UBE2F: variants seen among roughly 807,000 people sequenced by gnomAD.
UBE2F encodes the protein NEDD8-conjugating enzyme UBE2F.
UBE2F carries 5 observed loss-of-function variants against 29.6 expected under a neutral mutation model. That is an observed-to-expected ratio of 0.17 (90% CI 0.09 to 0.36). The LOEUF (loss-of-function observed/expected upper bound fraction) is 0.36. Among genes scored for constraint, UBE2F ranks in the 10% least tolerant of loss-of-function variants. The pLI is 1.00. For missense variants in UBE2F, 141 were observed against 228.5 expected, an observed-to-expected ratio of 0.62 and a Z score of 2.47; for synonymous variants, 66 against 81.8, an observed-to-expected ratio of 0.81 and a Z score of 1.04.
At chr2:238,012,852 G>T (rs2064069666) in intron 4 of UBE2F, among the ~76,000 whole-genome samples, 1 of 152,124 alleles carries the variant, frequency 6.6e-6, no homozygotes, top group South Asian at 2.1e-4. Context: ...CTTTTACAGT[G>T]GTCTAGGGTT....
intron 4 of UBE2F, among the ~76,000 whole-genome samples, chr2:238,005,607 T>TTG (rs560186175): frequency 6.6e-6 from 1 of 151,298 alleles, no homozygotes; most frequent in East Asian, 1.9e-4. Context: ...GTTTTCTGGT[T>TTG]TTTTTTTTCT....
At chr2:238,027,580 G>A (rs1051688873) in intron 6 of UBE2F, among the ~76,000 whole-genome samples, 12 of 152,304 alleles carry the variant, frequency 7.9e-5, no homozygotes, top group African/African-American at 2.4e-4. Flanking sequence ...CTTCAGCCAC[G>A]TAGACTACCT....
At chr2:237,988,495 A>G (rs1246220205) in intron 3 of UBE2F, among the ~76,000 whole-genome samples, 1 of 151,868 alleles carries the variant, frequency 6.6e-6, no homozygotes, top group Non-Finnish European at 1.5e-5. Context: ...GCATCACTGT[A>G]GCCCCAGCTA....
intron 4 of UBE2F, among the ~76,000 whole-genome samples, chr2:238,002,214 G>A (rs1464607889): frequency 1.4e-5 from 2 of 146,184 alleles, no homozygotes; most frequent in Admixed American, 7.0e-5. Flanking sequence ...ACAGGCATGC[G>A]CCACCACACC....
chr2:237,999,653 C>T (rs375568486), intron 4 of UBE2F, among the ~76,000 whole-genome samples: 1 of 152,146 alleles, frequency 6.6e-6, no homozygotes, highest in East Asian at 1.9e-4. Context: ...ACCTTGAAAG[C>T]TTGACCAAAC....
At chr2:237,985,322 C>T (rs1343521882) in intron 2 of UBE2F, among the ~76,000 whole-genome samples, 3 of 152,180 alleles carry the variant, frequency 2.0e-5, no homozygotes, top group Non-Finnish European at 2.9e-5. Flanking sequence ...GATCTCTAGA[C>T]TTATTCATCC....
intron 8 of UBE2F, among the ~76,000 whole-genome samples, chr2:238,034,011 A>T (rs1393680481): frequency 6.6e-6 from 1 of 151,884 alleles, no homozygotes; most frequent in African/African-American, 2.4e-5. Context: ...AGCCACCATA[A>T]TTTTTTTCTG....
intron 5 of UBE2F, among the ~76,000 whole-genome samples, chr2:238,022,483 T>C (rs2064319195): frequency 6.6e-6 from 1 of 152,236 alleles, no homozygotes; most frequent in Non-Finnish European, 1.5e-5. Context: ...TTCTTTGTTT[T>C]GCATTTGCCG....
In UBE2F at chr2:237,982,792, C is replaced by T. The variant is rs946639965; in HGVS notation, c.119-5171C>T. Among the ~76,000 whole-genome samples the T allele has an allele frequency of 2.0e-5, 3 of 152,148 alleles. No individual in the cohort carries two copies. The highest frequency in any genetic ancestry group is 4.4e-5 in the Non-Finnish European group (3 of 68,016). On this transcript the variant is annotated intron_variant, in intron 2 of 9. Transcript: ENST00000272930. The surrounding 1 kb of genome is among the most constrained non-coding windows in gnomAD (Gnocchi z 4.1). ...ATTTGCTCTTCACCTGTGTAGGTCACACCTGTGAGATGTGACCAGTGTTGG... is the reference window on the plus strand; with the variant it reads ...ATTTGCTCTTCACCTGTGTAGGTCATACCTGTGAGATGTGACCAGTGTTGG...
chr2:237,998,612 CT>C (rs34852748), intron 4 of UBE2F, among the ~76,000 whole-genome samples: 79,193 of 140,152 alleles, frequency 0.57, 23,336 homozygotes, highest in African/African-American at 0.8. Context: ...CTGCCGTGAG[CT>C]TTTTTTTTTT....
chr2:238,036,253 G>A (rs1417162156), intron 9 of UBE2F, among the ~76,000 whole-genome samples: 3 of 152,102 alleles, frequency 2.0e-5, no homozygotes, highest in Non-Finnish European at 4.4e-5. Context: ...GCTCACTGCA[G>A]CCTCCACCTT....
At chr2:237,975,408 T>C (rs1284315732) in intron 2 of UBE2F, among the ~76,000 whole-genome samples, 2 of 152,104 alleles carry the variant, frequency 1.3e-5, no homozygotes, top group African/African-American at 4.8e-5. Context: ...ACTGTACCCG[T>C]CAAGTGTTTA....
At chr2:237,989,759 G>A (rs1249892792) in intron 3 of UBE2F, among the ~76,000 whole-genome samples, 1 of 152,180 alleles carries the variant, frequency 6.6e-6, no homozygotes, top group Non-Finnish European at 1.5e-5. Context: ...GAAAGACACT[G>A]GATTGCTTGA....
intron 4 of UBE2F, among the ~76,000 whole-genome samples, chr2:238,006,017 G>A (rs2106369210): frequency 6.6e-6 from 1 of 152,248 alleles, no homozygotes; most frequent in East Asian, 1.9e-4. Flanking sequence ...TGCTGTGTTT[G>A]TTTATTTGCA....
intron 4 of UBE2F, among the ~76,000 whole-genome samples, chr2:238,000,757 T>C (rs2063776021): frequency 6.6e-6 from 1 of 152,194 alleles, no homozygotes; most frequent in Non-Finnish European, 1.5e-5. Context: ...TTCCAAAGTT[T>C]TGCATTCCTA....
At chr2:237,975,795 C>T (rs1226361004) in intron 2 of UBE2F, among the ~76,000 whole-genome samples, 2 of 152,126 alleles carry the variant, frequency 1.3e-5, no homozygotes, top group Non-Finnish European at 2.9e-5. Context: ...CACACTACCA[C>T]GCCCAGCCAA....
intron 2 of UBE2F, among the ~76,000 whole-genome samples, chr2:237,979,441 A>G (rs918880754): frequency 1.3e-5 from 2 of 152,120 alleles, no homozygotes; most frequent in Non-Finnish European, 2.9e-5. Context: ...AAAGAGAAGC[A>G]TTTACTATTT....
intron 2 of UBE2F, among the ~76,000 whole-genome samples, chr2:237,976,681 G>A (rs1161848515): frequency 6.6e-6 from 1 of 152,142 alleles, no homozygotes; most frequent in Non-Finnish European, 1.5e-5. Flanking sequence ...CATTTATGCG[G>A]CAGAGCCCTG....
intron 1 of UBE2F, chr2:237,968,763 A>G: frequency 1.2e-6 from 1 of 800,454 alleles, no homozygotes; most frequent in Non-Finnish European, 1.5e-6. Context: ...GAATTTAGAA[A>G]CTGAGAATGC....
Sources: allele counts gnomAD v4.1 joint callset (sites outside exome capture counted in the v4.1 genomes callset), GRCh38; gene constraint gnomAD v4.1.1; non-coding constraint Gnocchi (gnomAD v3.1); transcripts MANE v1.5; gene names NCBI Gene and HGNC (gene_info 2026-07-23, HGNC 2026-07-21).